ISM1: variants seen among roughly 807,000 people sequenced by gnomAD.
ISM1 encodes the protein isthmin-1.
A neutral mutation model predicts 46.3 loss-of-function variants in ISM1; 25 were observed. The ratio of observed to expected loss-of-function variants is 0.54; its 90% CI spans 0.39 to 0.75. The LOEUF (loss-of-function observed/expected upper bound fraction) is 0.75, where lower values mean the gene tolerates loss of function less well. ISM1 is among the 30% of genes least tolerant of loss of function. ISM1 has a pLI of 0.00. For missense variants in ISM1, 536 were observed against 625.4 expected (o/e 0.86, Z 1.52); for synonymous variants, 255 against 256.7 (o/e 0.99, Z 0.06).
chr20:13,281,757 GA>G (rs2040240550), intron 3 of ISM1, among the ~76,000 whole-genome samples: 4 of 152,200 alleles, frequency 2.6e-5, no homozygotes, highest in African/African-American at 9.6e-5. Context: ...GAGAAGCACA[GA>G]GGACCGCTTG....
At chr20:13,254,939 G>A (rs1198739427) in intron 1 of ISM1, among the ~76,000 whole-genome samples, 10 of 152,160 alleles carry the variant, frequency 6.6e-5, no homozygotes, top group South Asian at 2.1e-4. Flanking sequence ...AGAGCATTTA[G>A]TGAGGTCCTA....
chr20:13,277,540 G>A (rs2040193606), intron 2 of ISM1, among the ~76,000 whole-genome samples: 1 of 152,078 alleles, frequency 6.6e-6, no homozygotes, highest in South Asian at 2.1e-4. Flanking sequence ...CTGAGCTTCT[G>A]TGTGGGTCCC....
rs2040216617 is a variant in ISM1, at chr20:13,279,678, A to G, written c.423A>G (p.Lys141=). Residue 141 remains lysine (K), a synonymous_variant, in exon 3 of 6, where the codon AAA becomes AAG. Coordinates refer to ENST00000262487, the MANE Select transcript of ISM1 (RefSeq NM_080826.2). ...ACGGTCCTGACTCTGAAGCAGATAA[A>G]GATCAGCATCCGGAGAATAAGCCCA... is the stretch of plus-strand genomic sequence containing the variant. ...VVDGPDSEAD[K]DQHPENKPSW... 2 of 1,614,014 alleles carry G rather than the reference A, an allele frequency of 1.2e-6. No individual in the cohort carries two copies. The highest frequency in any genetic ancestry group is 1.7e-6 in the Non-Finnish European group (2 of 1,179,898).
intron 1 of ISM1, among the ~76,000 whole-genome samples, chr20:13,235,525 A>G (rs1366896795): frequency 6.6e-6 from 1 of 152,220 alleles, no homozygotes; most frequent in East Asian, 1.9e-4. Flanking sequence ...CTGTGTGGCC[A>G]GAGTCAGGCC....
At chr20:13,268,780 T>C (rs1463325502) in intron 1 of ISM1, among the ~76,000 whole-genome samples, 2 of 152,086 alleles carry the variant, frequency 1.3e-5, no homozygotes. Flanking sequence ...CTGGGCTTGG[T>C]GGAACGTGCC....
At chr20:13,265,647 T>G (rs2040034436) in intron 1 of ISM1, among the ~76,000 whole-genome samples, 3 of 152,200 alleles carry the variant, frequency 2.0e-5, no homozygotes, top group Admixed American at 2.0e-4. Flanking sequence ...TTCCTTTTGG[T>G]GAGGAAAAAC....
intron 1 of ISM1, among the ~76,000 whole-genome samples, chr20:13,231,530 C>T (rs1467091912): frequency 2.6e-5 from 4 of 152,210 alleles, no homozygotes; most frequent in Non-Finnish European, 5.9e-5. Context: ...TTGTCATCTA[C>T]TCCCTGTGAG....
chr20:13,321,253 T>TAAA, the ISM1 span, among the ~76,000 whole-genome samples: 659 of 57,510 alleles, frequency 0.011, 46 homozygotes, highest in African/African-American at 0.045. Flanking sequence ...GTGCCCCACA[T>TAAA]AAAAAAAAAA....
rs755769155 is a variant in ISM1 at position 13,292,432 on chromosome 20, G to A, written c.846G>A (p.Glu282=). ...ATEVSLLAGS[E]EFNATKLFEV... is the part of the protein sequence containing the mutation. ...AAGTGAGTCTGCTTGCGGGAAGCGA[G>A]GAGTTTAATGCCACCAAACTGTTTG... Residue 282 remains glutamate (E), a synonymous_variant, in exon 5 of 6, where the codon GAG becomes GAA. Transcript: ENST00000262487. 38 of 1,604,968 alleles carry A rather than the reference G, an allele frequency of 2.4e-5. No individual in the cohort carries two copies. The highest frequency in any genetic ancestry group is 3.3e-4 in the Middle Eastern group (2 of 6,078).
chr20:13,236,498 T>C (rs1437797977), intron 1 of ISM1, among the ~76,000 whole-genome samples: 4 of 152,132 alleles, frequency 2.6e-5, no homozygotes, highest in African/African-American at 9.7e-5. Flanking sequence ...TTTCATGTCC[T>C]AACATTTCAA....
At chr20:13,253,713 C>G (rs999897124) in intron 1 of ISM1, among the ~76,000 whole-genome samples, 3 of 151,986 alleles carry the variant, frequency 2.0e-5, no homozygotes, top group African/African-American at 7.3e-5. Flanking sequence ...TGGCCTGGGG[C>G]CCCCATTTTG....
chr20:13,264,370 G>C (rs894967793), intron 1 of ISM1, among the ~76,000 whole-genome samples: 2 of 152,208 alleles, frequency 1.3e-5, no homozygotes, highest in African/African-American at 4.8e-5. Context: ...CTGTTCTTCA[G>C]ATTCCAGTCC....
chr20:13,252,442 C>A (rs1410496820), intron 1 of ISM1, among the ~76,000 whole-genome samples: 1 of 152,130 alleles, frequency 6.6e-6, no homozygotes, highest in Non-Finnish European at 1.5e-5. Context: ...CATCAGAGAG[C>A]TTTTCAGTAT....
Position 13,299,542 on chromosome 20 carries a change from C to T in ISM1, c.*83C>T. On this transcript the variant is annotated 3_prime_UTR_variant, in exon 6 of 6. Coordinates refer to ENST00000262487, the MANE Select transcript of ISM1 (RefSeq NM_080826.2). The surrounding 1 kb of genome is among the most constrained non-coding windows in gnomAD (Gnocchi z 5.8). ...ACTGACGTGCCGACTGGCGCCGAGACCTTCATAGCTGCGGTCGTGTATATT... is the reference window on the plus strand; with the variant it reads ...ACTGACGTGCCGACTGGCGCCGAGATCTTCATAGCTGCGGTCGTGTATATT... The T allele has an allele frequency of 8.0e-7, 1 of 1,251,246 alleles. No homozygotes were observed. Among genetic ancestry groups the T allele is most frequent in the South Asian group, 1.4e-5 (1 of 72,244 alleles). 77.5% of individuals were successfully genotyped at this position (1,251,246 alleles called of 1,614,324 possible). A position where few individuals can be genotyped will look rare whatever the true frequency, so the allele number is the denominator to read the frequency against.
intron 1 of ISM1, among the ~76,000 whole-genome samples, chr20:13,259,191 G>C (rs1439557665): frequency 6.6e-6 from 1 of 151,590 alleles, no homozygotes; most frequent in African/African-American, 2.4e-5. Context: ...TGAGGCAGGA[G>C]AATCGCTTGA....
the ISM1 span, among the ~76,000 whole-genome samples, chr20:13,312,061 GAATT>G: frequency 0.24 from 36,202 of 151,878 alleles, 4,671 homozygotes; most frequent in African/African-American, 0.31. Flanking sequence ...TGTCAGTTAA[GAATT>G]AATTAACTTT....
At chr20:13,249,810 GTTTTGTTTT>G (rs1471455100) in intron 1 of ISM1, among the ~76,000 whole-genome samples, 1 of 151,556 alleles carries the variant, frequency 6.6e-6, no homozygotes, top group African/African-American at 2.4e-5. Flanking sequence ...GTTTTGTTTT[GTTTTGTTTT>G]GTTTTGTTTT....
intron 2 of ISM1, among the ~76,000 whole-genome samples, chr20:13,276,139 G>T (rs6109792): frequency 0.35 from 53,676 of 152,120 alleles, 9,531 homozygotes; most frequent in Admixed American, 0.39. Flanking sequence ...GTTGGAGACA[G>T]GTCCTTCAAT....
At chr20:13,306,493 TG>T in the ISM1 span, among the ~76,000 whole-genome samples, 1 of 143,676 alleles carries the variant, frequency 7.0e-6, no homozygotes, top group East Asian at 2.1e-4. Context: ...CAGATTTTGG[TG>T]GTGTTTTTTG....
Sources: allele counts gnomAD v4.1 joint callset (sites outside exome capture counted in the v4.1 genomes callset), GRCh38; gene constraint gnomAD v4.1.1; non-coding constraint Gnocchi (gnomAD v3.1); transcripts MANE v1.5; gene names NCBI Gene and HGNC (gene_info 2026-07-23, HGNC 2026-07-21).